Variants in FAM53B observed in about 807,000 individuals in gnomAD.
FAM53B encodes the protein family with sequence similarity 53 member B, also known as protein FAM53B.
FAM53B carries 12 observed loss-of-function variants against 32.7 expected under a neutral mutation model. That is an observed-to-expected ratio of 0.37 (90% confidence interval 0.24 to 0.59). The LOEUF is 0.59. Ranked by LOEUF, FAM53B falls within the 20% of genes least tolerant of loss-of-function variation. The pLI, the probability that FAM53B is intolerant of heterozygous loss-of-function variation, is 0.72. For missense variants in FAM53B, 477 were observed against 577.7 expected, an observed-to-expected ratio of 0.83 and a Z score of 1.79; for synonymous variants, 234 against 228.7, an observed-to-expected ratio of 1.02 and a Z score of -0.21.
At chr10:124,641,334 G>A (rs1461791565) in intron 4 of FAM53B, among the ~76,000 whole-genome samples, 1 of 152,250 alleles carries the variant, frequency 6.6e-6, no homozygotes, top group Non-Finnish European at 1.5e-5. Flanking sequence ...AGTGTGAGCT[G>A]TGGTGGAATA....
chr10:124,720,162 TAAAA>T (rs1351549210), intron 1 of FAM53B, among the ~76,000 whole-genome samples: 1 of 95,990 alleles, frequency 1.0e-5, no homozygotes. Context: ...AGACTTCATC[TAAAA>T]AAAAAAAAAA....
At chr10:124,740,935 G>A (rs974030074) in intron 1 of FAM53B, among the ~76,000 whole-genome samples, 2 of 152,184 alleles carry the variant, frequency 1.3e-5, no homozygotes, top group Non-Finnish European at 2.9e-5. Flanking sequence ...GCAACGAACC[G>A]GTTCTTTCAA....
At chr10:124,663,999 C>G (rs887980716) in intron 4 of FAM53B, among the ~76,000 whole-genome samples, 5 of 152,120 alleles carry the variant, frequency 3.3e-5, no homozygotes, top group Non-Finnish European at 7.4e-5. Context: ...GAGCTAACAC[C>G]GTGCCAGGCC....
chr10:124,699,532 C>T (rs185604834), intron 2 of FAM53B, among the ~76,000 whole-genome samples: 3 of 152,346 alleles, frequency 2.0e-5, no homozygotes, highest in African/African-American at 7.2e-5. Context: ...TTTTCTAACT[C>T]GAAAGAACGA....
chr10:124,686,005 T>G (rs1029885211), intron 3 of FAM53B, among the ~76,000 whole-genome samples: 3 of 151,830 alleles, frequency 2.0e-5, no homozygotes, highest in Non-Finnish European at 2.9e-5. Flanking sequence ...AACCCTACAC[T>G]CCAGGTATCA....
chr10:124,695,563 C>T (rs2134077978), intron 3 of FAM53B, among the ~76,000 whole-genome samples: 1 of 152,274 alleles, frequency 6.6e-6, no homozygotes, highest in Admixed American at 6.5e-5. Context: ...AGCCACTGTT[C>T]ATCACAACAG....
intron 4 of FAM53B, among the ~76,000 whole-genome samples, chr10:124,669,236 C>G (rs1011952881): frequency 6.6e-5 from 10 of 152,248 alleles, no homozygotes; most frequent in Admixed American, 3.9e-4. Context: ...GTAACGCGCA[C>G]TGTCCACACA....
At chr10:124,624,042 C>A in intron 4 of FAM53B, 1 of 164,556 alleles carries the variant, frequency 6.1e-6, no homozygotes, top group Non-Finnish European at 1.3e-5. Flanking sequence ...GGCAACATAC[C>A]GTTAAATGGA....
intron 1 of FAM53B, among the ~76,000 whole-genome samples, chr10:124,741,279 T>A (rs1378990978): frequency 4.6e-5 from 7 of 152,222 alleles, no homozygotes; most frequent in Non-Finnish European, 8.8e-5. Context: ...CTTATTTCAG[T>A]CTTTTTATTT....
At chr10:124,696,270 G>T in intron 2 of FAM53B, 58 bp from the exon 3 acceptor site, 1 of 1,379,382 alleles carries the variant, frequency 7.2e-7, no homozygotes, top group South Asian at 1.2e-5. Flanking sequence ...TGTTTGCACT[G>T]ACTCTACTGA....
intron 4 of FAM53B, among the ~76,000 whole-genome samples, chr10:124,637,464 C>T (rs373000116): frequency 2.6e-5 from 4 of 152,282 alleles, no homozygotes; most frequent in East Asian, 3.9e-4. Flanking sequence ...AGACTAGCTT[C>T]GATGCAACTT....
intron 4 of FAM53B, among the ~76,000 whole-genome samples, chr10:124,657,515 T>C (rs1949601027): frequency 6.6e-6 from 1 of 152,222 alleles, no homozygotes; most frequent in Admixed American, 6.5e-5. Context: ...ATTATCTCTG[T>C]AGGTGGATTT....
At chr10:124,741,080 C>A (rs1273767625) in intron 1 of FAM53B, among the ~76,000 whole-genome samples, 1 of 152,220 alleles carries the variant, frequency 6.6e-6, no homozygotes, top group Non-Finnish European at 1.5e-5. Context: ...AGGACTAGTT[C>A]ATCTATTAGT....
At chr10:124,649,875 C>T (rs7076268) in intron 4 of FAM53B, among the ~76,000 whole-genome samples, 141,975 of 152,232 alleles carry the variant, frequency 0.93, 66,986 homozygotes, top group Non-Finnish European at 1. Flanking sequence ...CCAGGAAACG[C>T]GCCATTCATT....
Position 124,681,947 on chromosome 10 carries a change from C to G in FAM53B, c.566G>C (p.Arg189Pro), listed in dbSNP as rs370552494. The change falls in exon 4 of 5, where the codon CGA (arginine) becomes CCA (proline). Residue 189 changes from arginine (R) to proline (P), a missense_variant. Coordinates refer to ENST00000337318, the MANE Select transcript of FAM53B (RefSeq NM_014661.4). ...CCCTTGGCAGGGCTGCCCTCCAAAT[C>G]GGTGGTGGAGTCCTGCCTGGTCGCA... ...SPCDQAGLHH[R>P]FGGQPCQGVP... is the part of the protein sequence containing the mutation. 1.8e-5 allele frequency: 29 copies of G among 1,613,868 alleles called. No homozygotes were observed. The highest frequency in any genetic ancestry group is 1.6e-4 in the Middle Eastern group (1 of 6,084).
intron 1 of FAM53B, among the ~76,000 whole-genome samples, chr10:124,714,468 A>G (rs1397128368): frequency 6.6e-6 from 1 of 152,200 alleles, no homozygotes; most frequent in Admixed American, 6.5e-5. Flanking sequence ...AAAGAGGCAA[A>G]GAAAACCTCT....
intron 1 of FAM53B, among the ~76,000 whole-genome samples, chr10:124,722,461 A>T (rs748171518): frequency 3.9e-5 from 6 of 152,228 alleles, no homozygotes; most frequent in Non-Finnish European, 8.8e-5. Flanking sequence ...TTTGGGTGAA[A>T]CTAAATAAAT....
chr10:124,631,133 T>C (rs1589730667), intron 4 of FAM53B, among the ~76,000 whole-genome samples: 1 of 152,206 alleles, frequency 6.6e-6, no homozygotes, highest in East Asian at 1.9e-4. Context: ...AGCCATCCCT[T>C]GGCCTTGCTG....
At chr10:124,664,986 G>A (rs1024830904) in intron 4 of FAM53B, among the ~76,000 whole-genome samples, 1 of 152,176 alleles carries the variant, frequency 6.6e-6, no homozygotes, top group South Asian at 2.1e-4. Flanking sequence ...CTTTTTCCCT[G>A]ATGAACTTTC....
Sources: allele counts gnomAD v4.1 joint callset (sites outside exome capture counted in the v4.1 genomes callset), GRCh38; gene constraint gnomAD v4.1.1; transcripts MANE v1.5; gene names NCBI Gene and HGNC (gene_info 2026-07-23, HGNC 2026-07-21).